RGS6: variants seen among roughly 807,000 people sequenced by gnomAD.
RGS6 encodes the protein regulator of G protein signaling 6.
RGS6 carries 30 observed loss-of-function variants against 78.5 expected under a neutral mutation model. The ratio of observed to expected loss-of-function variants is 0.38; its 90% CI spans 0.29 to 0.52. The LOEUF (loss-of-function observed/expected upper bound fraction) is 0.52, where lower values mean the gene tolerates loss of function less well. Ranked by LOEUF, RGS6 falls within the 20% of genes least tolerant of loss-of-function variation. The pLI, the probability that RGS6 is intolerant of heterozygous loss-of-function variation, is 0.85. For missense variants in RGS6, 495 were observed against 609.7 expected (o/e 0.81, Z 1.98); for synonymous variants, 206 against 206.0 (o/e 1.00, Z 0.00).
chr14:72,143,208 A>G (rs2096563770), intron 2 of RGS6, among the ~76,000 whole-genome samples: 1 of 152,018 alleles, frequency 6.6e-6, no homozygotes, highest in South Asian at 2.1e-4. Context: ...TCTCTACTAA[A>G]AATAAAATAC....
chr14:72,077,694 A>G (rs1337007822), intron 2 of RGS6, among the ~76,000 whole-genome samples: 5 of 152,198 alleles, frequency 3.3e-5, no homozygotes, highest in Non-Finnish European at 7.3e-5. Context: ...CATCTAAAGA[A>G]CAAGCACACC....
chr14:72,215,657 G>A (rs1327491549), intron 2 of RGS6, among the ~76,000 whole-genome samples: 2 of 152,140 alleles, frequency 1.3e-5, no homozygotes, highest in Non-Finnish European at 2.9e-5. Flanking sequence ...CAAAGGCAGA[G>A]GAGAACAAAG....
intron 2 of RGS6, among the ~76,000 whole-genome samples, chr14:72,332,541 C>T (rs533227929): frequency 5.9e-5 from 9 of 152,324 alleles, no homozygotes; most frequent in African/African-American, 1.2e-4. Flanking sequence ...TAGAGACACA[C>T]TTCCATGACC....
intron 2 of RGS6, among the ~76,000 whole-genome samples, chr14:72,189,888 A>G (rs1448304122): frequency 6.6e-6 from 1 of 152,160 alleles, no homozygotes; most frequent in Non-Finnish European, 1.5e-5. Context: ...CCACATATCT[A>G]ACGGCTACAT....
chr14:72,347,240 A>C (rs905375986), intron 2 of RGS6, among the ~76,000 whole-genome samples: 1 of 152,242 alleles, frequency 6.6e-6, no homozygotes, highest in Non-Finnish European at 1.5e-5. Context: ...CTGAACAGTC[A>C]GGAAAACGTA....
At chr14:72,102,552 A>T (rs2095549526) in intron 2 of RGS6, among the ~76,000 whole-genome samples, 1 of 152,280 alleles carries the variant, frequency 6.6e-6, no homozygotes, top group South Asian at 2.1e-4. Context: ...TATTTTATGG[A>T]TTAGAACATT....
At chr14:71,887,315 G>A in the RGS6 span, among the ~76,000 whole-genome samples, 3,506 of 152,206 alleles carry the variant, frequency 0.023, 60 homozygotes, top group Middle Eastern at 0.054. Context: ...TGAAGTCAGC[G>A]CACCTTGTAA....
chr14:71,882,989 G>T, the RGS6 span, among the ~76,000 whole-genome samples: 2 of 152,294 alleles, frequency 1.3e-5, no homozygotes, highest in African/African-American at 4.8e-5. Context: ...CCTGTGCCAG[G>T]CTTTTACCTG....
chr14:72,198,912 G>A (rs992607022), intron 2 of RGS6, among the ~76,000 whole-genome samples: 9 of 152,232 alleles, frequency 5.9e-5, no homozygotes, highest in Admixed American at 6.5e-5. Context: ...AGTAAATACC[G>A]TAGAGGTTTA....
At position 72,068,620 on chromosome 14, in the gene RGS6, C is replaced by T. The variant is rs952487875; in HGVS notation, c.84+103745C>T. ...TCAAGCAATTCTCTGCCTCAGCCTC[C>T]TGAGTAGCTGGGATTACAGGCGCCT... is the stretch of plus-strand genomic sequence containing the variant. On this transcript the variant is annotated intron_variant, in intron 2 of 17. Transcript: ENST00000553525. Among the ~76,000 whole-genome samples, 37 of 151,302 alleles carry T rather than the reference C, an allele frequency of 2.4e-4. 1 individual carries two copies. The highest frequency in any genetic ancestry group is 3.4e-3 in the Middle Eastern group (1 of 292).
At chr14:72,047,844 G>C (rs1417964973) in intron 2 of RGS6, among the ~76,000 whole-genome samples, 2 of 150,342 alleles carry the variant, frequency 1.3e-5, no homozygotes, top group African/African-American at 2.5e-5. Flanking sequence ...TCATGCCTCA[G>C]CCTCCAGAGT....
chr14:72,446,177 G>T (rs1597628044), intron 3 of RGS6, among the ~76,000 whole-genome samples: 1 of 152,202 alleles, frequency 6.6e-6, no homozygotes, highest in East Asian at 1.9e-4. Context: ...GCCTGGGACA[G>T]ATTCTCCCTC....
At chr14:72,032,147 C>T (rs1437978878) in intron 2 of RGS6, among the ~76,000 whole-genome samples, 2 of 151,956 alleles carry the variant, frequency 1.3e-5, no homozygotes, top group Admixed American at 1.3e-4. Flanking sequence ...GTCTGCTAAC[C>T]GTTACATAAT....
chr14:72,112,658 C>T (rs2095795431), intron 2 of RGS6, among the ~76,000 whole-genome samples: 1 of 152,156 alleles, frequency 6.6e-6, no homozygotes, highest in Non-Finnish European at 1.5e-5. Context: ...TCCTAATAGT[C>T]CTATGCATGA....
rs139772129 is a variant in RGS6, at chr14:72,469,753, T to G, written c.460-254T>G. 1,785 of 360,020 alleles carry G rather than the reference T, an allele frequency of 5.0e-3. 8 individuals carry two copies. Among genetic ancestry groups the G allele is most frequent in the African/African-American group, 0.017 (806 of 47,636 alleles). 22.3% of individuals were successfully genotyped at this position (360,020 alleles called of 1,614,324 possible). The stretch of plus-strand genomic sequence containing the variant: ...GTGAGTTGCATTCTTGTAAAACACC[T>G]TCATGAAGAGAGGAATCAGGTGAAC... On this transcript the variant is annotated intron_variant, in intron 7 of 17. Coordinates refer to ENST00000553525, the MANE Select transcript of RGS6 (RefSeq NM_001204424.2).
chr14:72,439,354 G>A (rs1440631882), intron 3 of RGS6, among the ~76,000 whole-genome samples: 13 of 152,200 alleles, frequency 8.5e-5, no homozygotes, highest in Admixed American at 8.5e-4. Flanking sequence ...CCCAAACCTC[G>A]GTTTCTTCAG....
chr14:72,162,712 A>G (rs191693147), intron 2 of RGS6, among the ~76,000 whole-genome samples: 156 of 152,330 alleles, frequency 1.0e-3, no homozygotes, highest in African/African-American at 3.3e-3. Flanking sequence ...TTATGGCAGC[A>G]CAATTCGCAA....
At chr14:72,333,390 TGG>T (rs556670655) in intron 2 of RGS6, among the ~76,000 whole-genome samples, 58 of 152,210 alleles carry the variant, frequency 3.8e-4, no homozygotes, top group South Asian at 1.2e-3. Flanking sequence ...ATGAGGGAAG[TGG>T]GGGACCTGCG....
At chr14:72,069,390 TTTA>T (rs1308042972) in intron 2 of RGS6, among the ~76,000 whole-genome samples, 5 of 152,232 alleles carry the variant, frequency 3.3e-5, no homozygotes, top group Non-Finnish European at 5.9e-5. Flanking sequence ...GCATACTTTA[TTTA>T]TAAAAGTCTA....
Sources: gnomAD v4.1 joint callset for allele counts (sites outside exome capture counted in the v4.1 genomes callset) on GRCh38, gnomAD v4.1.1 for gene constraint, MANE v1.5 for transcripts, NCBI Gene and HGNC (gene_info 2026-07-23, HGNC 2026-07-21) for gene names.